The following IL1RAPL1 variants were observed in gnomAD, a reference collection of about 807,000 sequenced individuals.
The protein encoded by IL1RAPL1 is interleukin-1 receptor accessory protein-like 1.
In IL1RAPL1, 3 loss-of-function variants were observed where a neutral mutation model predicts 48.4. The observed-to-expected ratio is 0.06, with a 90% CI of 0.03 to 0.16. The LOEUF is 0.16. Ranked by LOEUF, IL1RAPL1 falls within the 10% of genes least tolerant of loss-of-function variation. The probability of loss-of-function intolerance (pLI) is 1.00; values close to 1 mark genes in which losing one functional copy is unlikely to be tolerated. For synonymous variants in IL1RAPL1, 185 were observed against 187.7 expected, an observed-to-expected ratio of 0.99 and a Z score of 0.12; for missense variants, 349 against 530.6, an observed-to-expected ratio of 0.66 and a Z score of 3.36.
intron 5 of IL1RAPL1, among the ~76,000 whole-genome samples, chrX:29,611,158 C>A (rs1308039742): frequency 8.9e-6 from 1 of 111,750 alleles, no homozygotes; most frequent in Admixed American, 9.5e-5. Context: ...CTTTGTTTTC[C>A]TTCCTTTCCT....
chrX:29,674,933 G>A (rs886642452), intron 6 of IL1RAPL1, among the ~76,000 whole-genome samples: 1 of 112,361 alleles, frequency 8.9e-6, no homozygotes, highest in African/African-American at 3.2e-5. Flanking sequence ...ATTCTGTAGT[G>A]TATATGTACC....
At chrX:29,831,903 A>T (rs553309331) in intron 6 of IL1RAPL1, among the ~76,000 whole-genome samples, 38 of 112,059 alleles carry the variant, frequency 3.4e-4, no homozygotes, top group Middle Eastern at 4.6e-3. Flanking sequence ...GTTTATTAAT[A>T]ACCTCTTATG....
At chrX:29,098,735 T>C (rs1928268730) in intron 2 of IL1RAPL1, among the ~76,000 whole-genome samples, 1 of 112,689 alleles carries the variant, frequency 8.9e-6, no homozygotes, top group Non-Finnish European at 1.9e-5. Flanking sequence ...TACAAAATAG[T>C]GTTAGTTATT....
At chrX:29,619,820 A>G (rs1365437790) in intron 5 of IL1RAPL1, among the ~76,000 whole-genome samples, 1 of 111,868 alleles carries the variant, frequency 8.9e-6, no homozygotes, top group Non-Finnish European at 1.9e-5. Flanking sequence ...CATTGAAGAG[A>G]CATAAACAAA....
intron 4 of IL1RAPL1, 143 bp from the exon 5 acceptor site, chrX:29,399,012 G>C (rs2147687941): frequency 2.2e-6 from 1 of 447,570 alleles, no homozygotes; most frequent in East Asian, 3.8e-5. Context: ...ATTTTGAGAA[G>C]AAATGAAATT....
intron 6 of IL1RAPL1, among the ~76,000 whole-genome samples, chrX:29,884,316 A>G (rs1049319878): frequency 9.0e-6 from 1 of 111,078 alleles, no homozygotes; most frequent in African/African-American, 3.3e-5. Flanking sequence ...ATGGTGTTCA[A>G]TTTAATAGTT....
chrX:29,830,498 G>A (rs1930849890), intron 6 of IL1RAPL1, among the ~76,000 whole-genome samples: 1 of 103,480 alleles, frequency 9.7e-6, no homozygotes, highest in East Asian at 3.0e-4. Flanking sequence ...TGCCCAGGCT[G>A]GAGTGCAATG....
In IL1RAPL1 at chrX:29,685,427, C is replaced by T. The variant is rs138499395; in HGVS notation, c.778+16923C>T. Among the ~76,000 whole-genome samples the T allele has an allele frequency of 2.9e-3, 314 of 110,017 alleles. 2 individuals carry two copies. The highest frequency in any genetic ancestry group is 0.01 in the African/African-American group (305 of 30,199). ...CTGAGACAGGACAATCACTTGATAC[C>T]GGGATGCAGAGGCTGCAGTGAGCCG... On this transcript the variant is annotated intron_variant, in intron 6 of 10. Coordinates refer to ENST00000378993, the MANE Select transcript of IL1RAPL1 (RefSeq NM_014271.4).
At chrX:29,469,550 G>A (rs1320615090) in intron 5 of IL1RAPL1, among the ~76,000 whole-genome samples, 2 of 111,757 alleles carry the variant, frequency 1.8e-5, no homozygotes, top group Non-Finnish European at 3.8e-5. Context: ...TATTCCCCAG[G>A]TGTGCTTTTT....
intron 2 of IL1RAPL1, among the ~76,000 whole-genome samples, chrX:29,270,803 C>T (rs939769017): frequency 9.0e-6 from 1 of 111,447 alleles, no homozygotes; most frequent in Non-Finnish European, 1.9e-5. Flanking sequence ...TTAGTATGCC[C>T]ATTTGATTGT....
intron 2 of IL1RAPL1, among the ~76,000 whole-genome samples, chrX:29,050,420 T>C (rs1927068525): frequency 8.9e-6 from 1 of 111,774 alleles, no homozygotes; most frequent in African/African-American, 3.3e-5. Context: ...GCCTGGGTGC[T>C]TGAATCCAGA....
chrX:28,815,780 A>G (rs1936856008), intron 2 of IL1RAPL1, among the ~76,000 whole-genome samples: 1 of 91,256 alleles, frequency 1.1e-5, no homozygotes, highest in Non-Finnish European at 2.2e-5. Flanking sequence ...TGCAAGTGAC[A>G]AGATTTCATT....
intron 2 of IL1RAPL1, among the ~76,000 whole-genome samples, chrX:29,204,426 A>G (rs1347698609): frequency 1.8e-5 from 2 of 111,537 alleles, no homozygotes; most frequent in Non-Finnish European, 3.8e-5. Context: ...CTGGGCTGAG[A>G]TGACATCTCA....
chrX:29,419,512 C>T (rs961063846), intron 5 of IL1RAPL1, among the ~76,000 whole-genome samples: 2 of 110,387 alleles, frequency 1.8e-5, no homozygotes, highest in Non-Finnish European at 3.8e-5. Context: ...GTAGAGATGG[C>T]GTTTCACCAT....
At chrX:28,615,213 T>TG (rs1934202861) in intron 1 of IL1RAPL1, among the ~76,000 whole-genome samples, 1 of 76,048 alleles carries the variant, frequency 1.3e-5, no homozygotes, top group Non-Finnish European at 2.6e-5. Context: ...TTTTTTTTTT[T>TG]TTTTTTTTTT....
chrX:29,667,587 G>A (rs1926032769), intron 5 of IL1RAPL1, among the ~76,000 whole-genome samples: 2 of 112,116 alleles, frequency 1.8e-5, no homozygotes, highest in Admixed American at 9.5e-5. Flanking sequence ...GAGTGAGGAG[G>A]CTAGATGAAG....
chrX:28,846,475 A>G (rs1402575497), intron 2 of IL1RAPL1, among the ~76,000 whole-genome samples: 1 of 111,665 alleles, frequency 9.0e-6, no homozygotes, highest in Non-Finnish European at 1.9e-5. Flanking sequence ...TGGTAAGAGC[A>G]TGTTCAGTTT....
intron 8 of IL1RAPL1, among the ~76,000 whole-genome samples, chrX:29,925,424 T>TG (rs1932880050): frequency 4.5e-5 from 1 of 22,441 alleles, no homozygotes; most frequent in Non-Finnish European, 9.3e-5. Context: ...TTTTTTTTTT[T>TG]TTTTTTTTTT....
At chrX:29,608,980 A>G (rs1306952215) in intron 5 of IL1RAPL1, among the ~76,000 whole-genome samples, 2 of 111,996 alleles carry the variant, frequency 1.8e-5, no homozygotes, top group African/African-American at 6.5e-5. Flanking sequence ...AATAGATGAC[A>G]TACACGCTAT....
Sources: allele counts gnomAD v4.1 joint callset (sites outside exome capture counted in the v4.1 genomes callset), GRCh38; gene constraint gnomAD v4.1.1; transcripts MANE v1.5; gene names NCBI Gene and HGNC (gene_info 2026-07-23, HGNC 2026-07-21).